PPARGC1B: variants seen among roughly 807,000 people sequenced by gnomAD.
PPARGC1B encodes peroxisome proliferator-activated receptor gamma coactivator 1-beta.
In PPARGC1B, 34 loss-of-function variants were observed where a neutral mutation model predicts 101.6. The observed-to-expected ratio is 0.33, with a 90% CI of 0.25 to 0.45. PPARGC1B has a LOEUF of 0.45. Ranked by LOEUF, PPARGC1B falls within the 20% of genes least tolerant of loss-of-function variation. The pLI, the probability that PPARGC1B is intolerant of heterozygous loss-of-function variation, is 1.00. For synonymous variants in PPARGC1B, 548 were observed against 539.3 expected, an observed-to-expected ratio of 1.02 and a Z score of -0.22; for missense variants, 1,234 against 1,317.6, an observed-to-expected ratio of 0.94 and a Z score of 0.98.
chr5:149,786,877 G>A (rs1756829626), intron 1 of PPARGC1B, among the ~76,000 whole-genome samples: 1 of 152,190 alleles, frequency 6.6e-6, no homozygotes. Flanking sequence ...TGCACTTGGT[G>A]CCTGCTGCAT....
intron 1 of PPARGC1B, among the ~76,000 whole-genome samples, chr5:149,799,693 G>GTTGTTGTTGTTGTTTTTTTTTT (rs752427488): frequency 1.3e-5 from 1 of 76,480 alleles, no homozygotes; most frequent in African/African-American, 5.7e-5. Flanking sequence ...GCTTGTTGTT[G>GTTGTTGTTGTTGTTTTTTTTTT]TTTTTTTTTT....
At chr5:149,824,094 G>T (rs1758410362) in intron 2 of PPARGC1B, among the ~76,000 whole-genome samples, 1 of 152,206 alleles carries the variant, frequency 6.6e-6, no homozygotes, top group African/African-American at 2.4e-5. Context: ...GAAAATGCTG[G>T]CATGGAAGGA....
intron 1 of PPARGC1B, among the ~76,000 whole-genome samples, chr5:149,750,067 G>C (rs965268898): frequency 5.9e-5 from 9 of 152,180 alleles, no homozygotes; most frequent in Admixed American, 5.2e-4. Context: ...CCCTTTCCTG[G>C]TGACAGGTGC....
At chr5:149,817,507 G>T (rs946687515) in intron 1 of PPARGC1B, 1 of 340,014 alleles carries the variant, frequency 2.9e-6, no homozygotes, top group Non-Finnish European at 5.8e-6. Flanking sequence ...TGAAAAGATA[G>T]ATTTTGTTTC....
At chr5:149,829,586 G>A (rs1347789161) in intron 3 of PPARGC1B, among the ~76,000 whole-genome samples, 1 of 151,974 alleles carries the variant, frequency 6.6e-6, no homozygotes, top group Non-Finnish European at 1.5e-5. Flanking sequence ...AGGATCTCCG[G>A]CGGAAAATCT....
At chr5:149,750,453 A>AAAATATATATATAT (rs1223165218) in intron 1 of PPARGC1B, among the ~76,000 whole-genome samples, 11 of 123,228 alleles carry the variant, frequency 8.9e-5, no homozygotes, top group Non-Finnish European at 1.7e-4. Context: ...TTTTAGTTAA[A>AAAATATATATATAT]ATATATATAT....
intron 1 of PPARGC1B, among the ~76,000 whole-genome samples, chr5:149,736,110 C>G (rs1274935000): frequency 6.6e-6 from 1 of 152,096 alleles, no homozygotes; most frequent in East Asian, 1.9e-4. Context: ...CCACTGCACT[C>G]CAGCCTAGGC....
At chr5:149,794,920 AG>A (rs770123150) in intron 1 of PPARGC1B, among the ~76,000 whole-genome samples, 3 of 152,176 alleles carry the variant, frequency 2.0e-5, no homozygotes, top group Non-Finnish European at 4.4e-5. Flanking sequence ...GGGTCCTGTG[AG>A]GGGGCCATTG....
chr5:149,831,005 C>G (rs1406853095), intron 4 of PPARGC1B, 122 bp downstream of exon 4: 6 of 733,104 alleles, frequency 8.2e-6, no homozygotes, highest in South Asian at 6.5e-5. Context: ...TCCCACAGCC[C>G]TTGTAGCTGG....
chr5:149,782,283 T>C (rs560094379), intron 1 of PPARGC1B, among the ~76,000 whole-genome samples: 2 of 152,304 alleles, frequency 1.3e-5, no homozygotes, highest in East Asian at 3.9e-4. Flanking sequence ...GCCATTCCTC[T>C]TGTATAAGAT....
At chr5:149,829,398 G>A (rs1371117910) in intron 3 of PPARGC1B, among the ~76,000 whole-genome samples, 1 of 152,108 alleles carries the variant, frequency 6.6e-6, no homozygotes, top group Non-Finnish European at 1.5e-5. Context: ...CTGGTTTGGG[G>A]TTTAGGTGGG....
At chr5:149,744,363 A>T (rs1755014340) in intron 1 of PPARGC1B, among the ~76,000 whole-genome samples, 1 of 152,210 alleles carries the variant, frequency 6.6e-6, no homozygotes, top group African/African-American at 2.4e-5. Flanking sequence ...GTGAGGATCT[A>T]CCAGAGGCAG....
intron 1 of PPARGC1B, among the ~76,000 whole-genome samples, chr5:149,813,151 T>A (rs888521589): frequency 2.0e-5 from 3 of 152,174 alleles, no homozygotes; most frequent in Admixed American, 6.6e-5. Flanking sequence ...GTTAGTGGTA[T>A]CGCCATGGAA....
At chr5:149,742,629 T>C (rs1405088266) in intron 1 of PPARGC1B, among the ~76,000 whole-genome samples, 1 of 152,218 alleles carries the variant, frequency 6.6e-6, no homozygotes, top group Non-Finnish European at 1.5e-5. Flanking sequence ...CTTATTGGTA[T>C]GTGCCAGGTA....
chr5:149,824,567 G>T (rs771417507), intron 2 of PPARGC1B, among the ~76,000 whole-genome samples: 3 of 152,166 alleles, frequency 2.0e-5, no homozygotes, highest in African/African-American at 7.2e-5. Context: ...GGAGGGAAAC[G>T]ACTTGCCTAA....
chr5:149,763,526 G>GTT (rs70973540), intron 1 of PPARGC1B, among the ~76,000 whole-genome samples: 144 of 67,708 alleles, frequency 2.1e-3, no homozygotes, highest in African/African-American at 3.7e-3. Context: ...TTCACTCCTG[G>GTT]TTTTTTTTTT....
In PPARGC1B at chr5:149,842,242, T is replaced by C. The variant is rs771452367; in HGVS notation, c.2695-14T>C. On this transcript the variant is annotated splice_polypyrimidine_tract_variant and intron_variant, in intron 9 of 11. Transcript: ENST00000309241. ...GCAATGACGGAGTCTCTCTCTGTCCTCCTTCTTGGGCAGGGGGAAGGCCGC... is the reference window on the plus strand; with the variant it reads ...GCAATGACGGAGTCTCTCTCTGTCCCCCTTCTTGGGCAGGGGGAAGGCCGC... 1.6e-5 allele frequency: 26 copies of C among 1,611,826 alleles called. No homozygotes were observed. Among genetic ancestry groups the C allele is most frequent in the Non-Finnish European group, 2.1e-5 (25 of 1,178,946 alleles).
intron 1 of PPARGC1B, among the ~76,000 whole-genome samples, chr5:149,742,206 C>T (rs1754935280): frequency 6.6e-6 from 1 of 152,204 alleles, no homozygotes; most frequent in Non-Finnish European, 1.5e-5. Flanking sequence ...GTTTGTGGTG[C>T]TGGTGCTGTT....
chr5:149,782,071 G>A (rs1276446785), intron 1 of PPARGC1B, among the ~76,000 whole-genome samples: 4 of 152,048 alleles, frequency 2.6e-5, no homozygotes, highest in Non-Finnish European at 5.9e-5. Flanking sequence ...GGTGGAGGTC[G>A]TAGTGGGCTA....
Sources: gnomAD v4.1 joint callset for allele counts (sites outside exome capture counted in the v4.1 genomes callset) on GRCh38, gnomAD v4.1.1 for gene constraint, MANE v1.5 for transcripts, NCBI Gene and HGNC (gene_info 2026-07-23, HGNC 2026-07-21) for gene names.